Variants in NPAS3 observed in about 807,000 individuals in gnomAD.
NPAS3 encodes neuronal PAS domain protein 3, also known as neuronal PAS domain-containing protein 3.
In NPAS3, 14 loss-of-function variants were observed where a neutral mutation model predicts 73.1. That is an observed-to-expected ratio of 0.19 (90% CI 0.13 to 0.30). The LOEUF (loss-of-function observed/expected upper bound fraction) is 0.30. NPAS3 is among the 10% of genes least tolerant of loss of function. NPAS3 has a pLI of 1.00. For missense variants in NPAS3, 1,096 were observed against 1,250.0 expected (o/e 0.88, Z 1.86); for synonymous variants, 620 against 541.5 (o/e 1.14, Z -2.01).
At chr14:33,584,506 TAAAAGAA>T (rs1435687427) in intron 5 of NPAS3, among the ~76,000 whole-genome samples, 3 of 152,116 alleles carry the variant, frequency 2.0e-5, no homozygotes, top group African/African-American at 7.2e-5. Flanking sequence ...GTTAGAAACT[TAAAAGAA>T]GTCAAGGTGT....
At chr14:33,714,035 C>A (rs901166091) in intron 6 of NPAS3, among the ~76,000 whole-genome samples, 4 of 152,106 alleles carry the variant, frequency 2.6e-5, no homozygotes, top group Admixed American at 2.6e-4. Flanking sequence ...AGTCTGTAAT[C>A]AGATGCCCCC....
At chr14:33,746,446 C>T (rs1249266839) in intron 7 of NPAS3, among the ~76,000 whole-genome samples, 1 of 150,994 alleles carries the variant, frequency 6.6e-6, no homozygotes, top group Non-Finnish European at 1.5e-5. Context: ...CTCGGCCTCC[C>T]AAAGTGCTAG....
At chr14:33,283,017 T>A (rs1227460940) in intron 3 of NPAS3, among the ~76,000 whole-genome samples, 1 of 152,200 alleles carries the variant, frequency 6.6e-6, no homozygotes, top group Non-Finnish European at 1.5e-5. Context: ...ACTTGAAAAT[T>A]ACTCATCAGC....
chr14:33,405,326 A>T (rs2047617946), intron 4 of NPAS3, among the ~76,000 whole-genome samples: 1 of 152,104 alleles, frequency 6.6e-6, no homozygotes, highest in South Asian at 2.1e-4. Context: ...CTGAAATTGA[A>T]TCTTCCATGG....
At chr14:32,981,509 A>G (rs2037896137) in intron 1 of NPAS3, among the ~76,000 whole-genome samples, 1 of 152,232 alleles carries the variant, frequency 6.6e-6, no homozygotes, top group African/African-American at 2.4e-5. Context: ...TATGCAATAA[A>G]TGTTTTGCTG....
chr14:33,193,133 T>C (rs937214679), intron 2 of NPAS3, among the ~76,000 whole-genome samples: 19 of 152,284 alleles, frequency 1.2e-4, no homozygotes, highest in African/African-American at 4.6e-4. Context: ...GTTTTGGCTT[T>C]TTATATTTTT....
chr14:33,463,403 C>T (rs2050365073), intron 4 of NPAS3, among the ~76,000 whole-genome samples: 1 of 151,994 alleles, frequency 6.6e-6, no homozygotes, highest in Admixed American at 6.6e-5. Flanking sequence ...ATAATAAAGC[C>T]AATAGCTCAT....
chr14:33,081,409 T>A (rs1167683237), intron 2 of NPAS3, among the ~76,000 whole-genome samples: 1 of 151,968 alleles, frequency 6.6e-6, no homozygotes, highest in African/African-American at 2.4e-5. Context: ...AGTACTAAAG[T>A]GTGTGTGAGC....
At chr14:33,585,666 T>C (rs2056834992) in intron 5 of NPAS3, among the ~76,000 whole-genome samples, 1 of 152,230 alleles carries the variant, frequency 6.6e-6, no homozygotes, top group African/African-American at 2.4e-5. Flanking sequence ...TCTTAAGCTA[T>C]GCAATGCCAA....
chr14:32,979,688 A>C (rs1007259484), intron 1 of NPAS3, among the ~76,000 whole-genome samples: 2 of 152,204 alleles, frequency 1.3e-5, no homozygotes, highest in Non-Finnish European at 2.9e-5. Flanking sequence ...TAAATGCATC[A>C]TATTACAATG....
chr14:33,796,105 T>C (rs949246221), intron 10 of NPAS3, among the ~76,000 whole-genome samples: 4 of 152,122 alleles, frequency 2.6e-5, no homozygotes, highest in Non-Finnish European at 4.4e-5. Context: ...AAGAAAATGA[T>C]GTGGCCCTGG....
chr14:33,595,638 A>G (rs766106012), intron 5 of NPAS3, among the ~76,000 whole-genome samples: 1 of 152,210 alleles, frequency 6.6e-6, no homozygotes, highest in Non-Finnish European at 1.5e-5. Flanking sequence ...GGAAAAGAGA[A>G]AGAAAACCTT....
At chr14:33,555,106 G>A (rs1219545022) in intron 4 of NPAS3, among the ~76,000 whole-genome samples, 1 of 152,118 alleles carries the variant, frequency 6.6e-6, no homozygotes, top group Non-Finnish European at 1.5e-5. Context: ...TGTGACAAAG[G>A]AAATCTCCGA....
At chr14:33,158,161 A>G (rs557425016) in intron 2 of NPAS3, among the ~76,000 whole-genome samples, 3 of 152,336 alleles carry the variant, frequency 2.0e-5, no homozygotes, top group African/African-American at 7.2e-5. Flanking sequence ...TCCGTTAGAA[A>G]GCACCAGCGG....
intron 3 of NPAS3, among the ~76,000 whole-genome samples, chr14:33,273,770 G>T (rs1056443691): frequency 6.6e-6 from 1 of 152,104 alleles, no homozygotes; most frequent in Non-Finnish European, 1.5e-5. Flanking sequence ...TGAAGGCAGG[G>T]GTACTTGTTT....
intron 2 of NPAS3, among the ~76,000 whole-genome samples, chr14:33,124,157 A>G (rs1418431933): frequency 3.3e-5 from 5 of 151,912 alleles, no homozygotes; most frequent in Admixed American, 1.3e-4. Flanking sequence ...CCCAGCCTCT[A>G]TGAAGTTTTA....
chr14:33,177,071 TTTATTA>T (rs58286290), intron 2 of NPAS3, among the ~76,000 whole-genome samples: 23,960 of 138,128 alleles, frequency 0.17, 2,487 homozygotes, highest in South Asian at 0.38. Flanking sequence ...TGTTTATCTT[TTTATTA>T]TTATTATTAT....
chr14:33,040,736 C>T (rs1473295853), intron 1 of NPAS3, among the ~76,000 whole-genome samples: 1 of 152,188 alleles, frequency 6.6e-6, no homozygotes, highest in Non-Finnish European at 1.5e-5. Context: ...ATACCTAAGT[C>T]TTCTAACCTG....
chr14:33,653,797 T>G (rs965164785), intron 5 of NPAS3, among the ~76,000 whole-genome samples: 4 of 152,248 alleles, frequency 2.6e-5, no homozygotes, highest in Non-Finnish European at 4.4e-5. Context: ...TTGCTGTTTT[T>G]ATTTTTCTAC....
Sources: gnomAD v4.1 joint callset for allele counts (sites outside exome capture counted in the v4.1 genomes callset) on GRCh38, gnomAD v4.1.1 for gene constraint, MANE v1.5 for transcripts, NCBI Gene and HGNC (gene_info 2026-07-23, HGNC 2026-07-21) for gene names.